Variants in PYGL observed in about 807,000 individuals in gnomAD.
The protein encoded by PYGL is glycogen phosphorylase, liver form.
PYGL carries 90 observed loss-of-function variants against 100.1 expected under a neutral mutation model. The observed-to-expected ratio is 0.90, with a 90% CI of 0.76 to 1.07. The LOEUF (loss-of-function observed/expected upper bound fraction) is 1.07. PYGL is among the 50% of genes least tolerant of loss of function. PYGL has a pLI of 0.00. For missense variants in PYGL, 1,016 were observed against 1,057.6 expected, an observed-to-expected ratio of 0.96 and a Z score of 0.55; for synonymous variants, 373 against 393.0, an observed-to-expected ratio of 0.95 and a Z score of 0.60.
At chr14:50,927,899 G>T (rs1289301537) in intron 4 of PYGL, among the ~76,000 whole-genome samples, 1 of 151,948 alleles carries the variant, frequency 6.6e-6, no homozygotes, top group Admixed American at 6.6e-5. Flanking sequence ...TTGACAAATT[G>T]ATCTGTAAAT....
chr14:50,926,496 G>T (rs1009437940), intron 4 of PYGL, among the ~76,000 whole-genome samples: 1 of 151,846 alleles, frequency 6.6e-6, no homozygotes, highest in African/African-American at 2.4e-5. Context: ...GGGAGGCCGA[G>T]GTGGGCTGAT....
At chr14:50,913,595 C>T (rs1224156631) in intron 12 of PYGL, among the ~76,000 whole-genome samples, 5 of 152,070 alleles carry the variant, frequency 3.3e-5, no homozygotes, top group South Asian at 4.2e-4. Context: ...AGAATGGTCT[C>T]GATCTCCTGA....
chr14:50,920,846 G>A, intron 6 of PYGL, 110 bp downstream of exon 6: 5 of 1,197,620 alleles, frequency 4.2e-6, no homozygotes, highest in African/African-American at 1.5e-5. Context: ...GTGAAGTTCA[G>A]ATCAGAAACT....
chr14:50,906,185 G>T (rs1366857451), intron 19 of PYGL, among the ~76,000 whole-genome samples: 1 of 152,060 alleles, frequency 6.6e-6, no homozygotes, highest in Non-Finnish European at 1.5e-5. Flanking sequence ...TTATATAAAA[G>T]AATATGATAA....
chr14:50,912,140 T>C lies in PYGL; in HGVS notation c.1768+16A>G. 1 of 1,614,238 alleles carries C rather than the reference T, an allele frequency of 6.2e-7. No individual in the cohort carries two copies. The highest frequency in any genetic ancestry group is 8.5e-7 in the Non-Finnish European group (1 of 1,180,048). Reference sequence around the variant, plus strand: ...TCCACCTGCAAGGGGGCTTGTTGGCTACAGGGCTGACTCACGGTTGTACAT... The same window carrying C: ...TCCACCTGCAAGGGGGCTTGTTGGCCACAGGGCTGACTCACGGTTGTACAT... On this transcript the variant is annotated intron_variant, in intron 14 of 19. Coordinates refer to ENST00000216392, the MANE Select transcript of PYGL (RefSeq NM_002863.5).
At chr14:50,907,030 C>T (rs1011613059) in intron 19 of PYGL, among the ~76,000 whole-genome samples, 1 of 152,178 alleles carries the variant, frequency 6.6e-6, no homozygotes, top group Admixed American at 6.5e-5. Context: ...ACAGAGCTAG[C>T]CCCCTCCAGT....
At chr14:50,921,692 C>G (rs1324794841) in intron 5 of PYGL, among the ~76,000 whole-genome samples, 2 of 152,128 alleles carry the variant, frequency 1.3e-5, no homozygotes, top group African/African-American at 2.4e-5. Flanking sequence ...AAAAGTTTAT[C>G]TTTCATGTTT....
At position 50,913,038 on chromosome 14, in the gene PYGL, C is replaced by G; in HGVS notation, c.1611G>C (p.Lys537Asn). The G allele has an allele frequency of 6.2e-7, 1 of 1,613,920 alleles. No homozygotes were observed. Among genetic ancestry groups the G allele is most frequent in the Non-Finnish European group, 8.5e-7 (1 of 1,179,834 alleles). The change falls in exon 13 of 20, where the codon AAG (lysine) becomes AAC (asparagine). Residue 537 changes from lysine to asparagine, a missense_variant. Coordinates refer to ENST00000216392, the MANE Select transcript of PYGL (RefSeq NM_002863.5). ...GDDVFLRELA[K>N]VKQENKLKFS... ...CACCTGGAAGGCTCACCTGCTTCAC[C>G]TTGGCGAGTTCCCGGAGGAAGACAT...
chr14:50,931,781 A>C lies in PYGL; in HGVS notation c.425-5T>G, dbSNP rs1025550045. On this transcript the variant is annotated splice_region_variant and splice_polypyrimidine_tract_variant and intron_variant, in intron 3 of 19. Coordinates refer to ENST00000216392, the MANE Select transcript of PYGL (RefSeq NM_002863.5). ...CCATGGAATCCAAGAAGCAGGCTAC[A>C]TTCAACAGAGCACAGGCAAAAGATA... 3.7e-6 allele frequency: 6 copies of C among 1,612,580 alleles called. No individual in the cohort carries two copies. The African/African-American group carries it at 6.7e-5, about 18-fold the overall frequency.
In PYGL at chr14:50,912,294, G is replaced by A; in HGVS notation, c.1630C>T (p.Leu544=). Residue 544 remains leucine (L), a synonymous_variant, in exon 14 of 20, where the codon CTG becomes TTG. Coordinates refer to ENST00000216392, the MANE Select transcript of PYGL (RefSeq NM_002863.5). ...ELAKVKQENK[L]KFSQFLETEY... is the part of the protein sequence containing the mutation. ...GTCTCCAGGAACTGAGAAAACTTCA[G>A]CTTATTCTCCTGTTAAGACAGTGCA... 6.2e-7 allele frequency: 1 copy of A among 1,614,030 alleles called. No homozygotes were observed. Among genetic ancestry groups the A allele is most frequent in the South Asian group, 1.1e-5 (1 of 91,080 alleles).
chr14:50,927,480 C>T (rs2050561712), intron 4 of PYGL, among the ~76,000 whole-genome samples: 1 of 152,200 alleles, frequency 6.6e-6, no homozygotes, highest in South Asian at 2.1e-4. Context: ...CTGCCTCGGC[C>T]TCCTAAAGTG....
At chr14:50,917,827 A>T (rs1034980522) in intron 7 of PYGL, among the ~76,000 whole-genome samples, 5 of 152,220 alleles carry the variant, frequency 3.3e-5, no homozygotes, top group Non-Finnish European at 5.9e-5. Context: ...TGTAAATGTC[A>T]CCAAGAAATG....
In PYGL at chr14:50,905,439, G is replaced by A; in HGVS notation, c.2497C>T (p.Leu833=). ...QNIWNVEPSD[L]KISLSNESNK... is the part of the protein sequence containing the mutation. ...GATTCATTGGATAGAGAAATCTTTA[G>A]ATCTGAAGGTTCCACGTTCCAGATG... The change falls in exon 20 of 20, where the codon CTA becomes TTA. Residue 833 remains leucine, a synonymous_variant. Coordinates refer to ENST00000216392, the MANE Select transcript of PYGL (RefSeq NM_002863.5). 1 of 1,613,644 alleles carries A rather than the reference G, an allele frequency of 6.2e-7. No homozygotes were observed. The highest frequency in any genetic ancestry group is 8.5e-7 in the Non-Finnish European group (1 of 1,179,584).
intron 16 of PYGL, 81 bp downstream of exon 16, chr14:50,911,649 A>G: frequency 6.5e-7 from 1 of 1,542,596 alleles, no homozygotes; most frequent in Non-Finnish European, 9.0e-7. Flanking sequence ...TAGCTCCTGG[A>G]GGTTGGCTGC....
At chr14:50,931,352 C>T (rs2050599053) in intron 4 of PYGL, among the ~76,000 whole-genome samples, 1 of 152,180 alleles carries the variant, frequency 6.6e-6, no homozygotes, top group Non-Finnish European at 1.5e-5. Context: ...TCCATTATGA[C>T]TGCTGCAGAG....
rs2050559252 is a variant in PYGL, at chr14:50,927,309, A to G, written c.529-3209T>C. ...GCACAATCTTGGCTCACTGCAACAT[A>G]TGCCTCCCAGATTCAAGTGATTCTC... On this transcript the variant is annotated intron_variant, in intron 4 of 19. Coordinates refer to ENST00000216392, the MANE Select transcript of PYGL (RefSeq NM_002863.5). Among the ~76,000 whole-genome samples, 8 of 152,080 alleles carry G rather than the reference A, an allele frequency of 5.3e-5. No homozygotes were observed. The South Asian group carries it at 1.7e-3, about 32-fold the overall frequency.
chr14:50,919,735 G>A (rs964474511), intron 7 of PYGL, among the ~76,000 whole-genome samples: 3 of 152,030 alleles, frequency 2.0e-5, no homozygotes, highest in African/African-American at 7.2e-5. Context: ...AGGCTGGAAT[G>A]CAGTGGTGCA....
intron 1 of PYGL, 26 bp from the exon 2 acceptor site, chr14:50,937,863 G>C (rs2050668975): frequency 6.3e-7 from 1 of 1,575,514 alleles, no homozygotes; most frequent in Non-Finnish European, 8.7e-7. Flanking sequence ...GAGAGATAAT[G>C]TTTCCCCCAA....
intron 9 of PYGL, 139 bp downstream of exon 9, chr14:50,916,503 G>T: frequency 2.5e-6 from 2 of 786,564 alleles, no homozygotes; most frequent in Non-Finnish European, 4.4e-6. Context: ...AAATGTCAGC[G>T]TCAGGGAAAA....
Sources: gnomAD v4.1 joint callset for allele counts (sites outside exome capture counted in the v4.1 genomes callset) on GRCh38, gnomAD v4.1.1 for gene constraint, MANE v1.5 for transcripts, NCBI Gene and HGNC (gene_info 2026-07-23, HGNC 2026-07-21) for gene names.